APP: variants seen among roughly 807,000 people sequenced by gnomAD.
APP encodes the protein amyloid beta precursor protein.
A neutral mutation model predicts 101.4 loss-of-function variants in APP; 31 were observed. The observed-to-expected ratio is 0.31, with a 90% confidence interval of 0.23 to 0.41. The LOEUF (loss-of-function observed/expected upper bound fraction) is 0.41, where lower values mean the gene tolerates loss of function less well. Among genes scored for constraint, APP ranks in the 10% least tolerant of loss-of-function variants. The probability of loss-of-function intolerance (pLI) is 1.00; values close to 1 mark genes in which losing one functional copy is unlikely to be tolerated. For synonymous variants in APP, 366 were observed against 364.4 expected (o/e 1.00, Z -0.05); for missense variants, 839 against 1,003.7 (o/e 0.84, Z 2.22).
chr21:26,147,537 T>G (rs2063177867), intron 1 of APP, among the ~76,000 whole-genome samples: 1 of 152,208 alleles, frequency 6.6e-6, no homozygotes, highest in Non-Finnish European at 1.5e-5. Context: ...TATAATACAC[T>G]AATTTTAGAC....
Position 25,975,201 on chromosome 21 carries a change from C to T in APP, c.1327G>A (p.Glu443Lys). 1 of 1,614,140 alleles carries T rather than the reference C, an allele frequency of 6.2e-7. No homozygotes were observed. ...TGTCTCTCGTTGGCTGCTTCCTGTT[C>T]CAAAGATTCCACTTTCTCCTGGAAA... ...QHFQEKVESL[E>K]QEAANERQQL... is the part of the protein sequence containing the mutation. The change falls in exon 11 of 18, where the codon GAA (glutamate) becomes AAA (lysine). Residue 443 changes from glutamate (E) to lysine (K), a missense_variant. Physicochemically the swap from Glu to Lys is moderately conservative, Grantham distance 56. Coordinates refer to ENST00000346798, the MANE Select transcript of APP (RefSeq NM_000484.4).
chr21:25,895,153 C>T (rs192016093), intron 16 of APP, among the ~76,000 whole-genome samples: 272 of 149,262 alleles, frequency 1.8e-3, no homozygotes, highest in African/African-American at 6.5e-3. Context: ...ATGTAACAGA[C>T]TAGAGTATAG....
intron 1 of APP, among the ~76,000 whole-genome samples, chr21:26,146,773 T>C (rs934464554): frequency 6.6e-6 from 1 of 152,244 alleles, no homozygotes; most frequent in Non-Finnish European, 1.5e-5. Flanking sequence ...AAGATGTTCA[T>C]ATTTAGTATT....
intron 14 of APP, among the ~76,000 whole-genome samples, chr21:25,911,080 T>C (rs1482343791): frequency 1.3e-5 from 2 of 152,224 alleles, no homozygotes; most frequent in Non-Finnish European, 2.9e-5. Flanking sequence ...ACCTCACAGT[T>C]AAAAAACATT....
At chr21:25,993,876 T>A (rs1483005039) in intron 8 of APP, among the ~76,000 whole-genome samples, 1 of 151,320 alleles carries the variant, frequency 6.6e-6, no homozygotes, top group African/African-American at 2.4e-5. Flanking sequence ...TAAACACCCA[T>A]ATGCCTAGGA....
Position 25,905,038 on chromosome 21 carries a change from A to T in APP, c.1949T>A (p.Leu650Gln). Reference sequence around the variant, plus strand: ...GGTTCTGATACCTGGTCGAGTGGTCAGTCCTCGGTCGGCAGCAGGGCGGGC... The same window carrying T: ...GGTTCTGATACCTGGTCGAGTGGTCTGTCCTCGGTCGGCAGCAGGGCGGGC... The part of the protein sequence containing the change: ...VDARPAADRG[L>Q]TTRPGSGLTN... Residue 650 changes from leucine (L) to glutamine (Q), a missense_variant, in exon 15 of 18, where the codon CTG (leucine) becomes CAG (glutamine). Coordinates refer to ENST00000346798, the MANE Select transcript of APP (RefSeq NM_000484.4). The T allele has an allele frequency of 1.2e-6, 2 of 1,613,970 alleles. No homozygotes were observed. The highest frequency in any genetic ancestry group is 1.7e-6 in the Non-Finnish European group (2 of 1,179,930).
intron 13 of APP, chr21:25,945,931 C>T (rs910364454): frequency 2.0e-5 from 9 of 455,354 alleles, no homozygotes; most frequent in African/African-American, 1.6e-4. Context: ...ATCTGCCCAC[C>T]TTGGCCTCCC....
At chr21:25,909,042 T>A (rs1601366813) in intron 14 of APP, among the ~76,000 whole-genome samples, 1 of 152,028 alleles carries the variant, frequency 6.6e-6, no homozygotes, top group East Asian at 1.9e-4. Flanking sequence ...GGCGGGCGGA[T>A]CACGAGGTCA....
chr21:26,164,891 T>TG (rs2063574036), intron 1 of APP, among the ~76,000 whole-genome samples: 1 of 150,470 alleles, frequency 6.6e-6, no homozygotes, highest in African/African-American at 2.5e-5. Flanking sequence ...CCATGTTATG[T>TG]GGAAAAAAAG....
intron 13 of APP, chr21:25,942,091 T>C (rs1265373771): frequency 6.6e-6 from 1 of 152,220 alleles, no homozygotes; most frequent in East Asian, 1.9e-4. Flanking sequence ...CTGATATTCA[T>C]GTTCTCTTTA....
At chr21:25,940,943 G>A (rs918298426) in intron 13 of APP, among the ~76,000 whole-genome samples, 6 of 152,148 alleles carry the variant, frequency 3.9e-5, no homozygotes, top group Non-Finnish European at 5.9e-5. Context: ...GATGCCAGGC[G>A]ATGCTGATGT....
intron 17 of APP, among the ~76,000 whole-genome samples, chr21:25,888,875 G>A (rs548163551): frequency 2.6e-5 from 4 of 152,318 alleles, no homozygotes; most frequent in African/African-American, 7.2e-5. Flanking sequence ...AGGCTTGCGC[G>A]GAGAACTAAA....
At chr21:26,070,409 G>A (rs1400120797) in intron 3 of APP, among the ~76,000 whole-genome samples, 2 of 152,112 alleles carry the variant, frequency 1.3e-5, no homozygotes, top group African/African-American at 4.8e-5. Flanking sequence ...GTACATTAAG[G>A]CTTCCAAAAG....
intron 5 of APP, among the ~76,000 whole-genome samples, chr21:26,048,499 A>G (rs1279833384): frequency 6.6e-6 from 1 of 152,194 alleles, no homozygotes; most frequent in Non-Finnish European, 1.5e-5. Flanking sequence ...CGTCCTGGGC[A>G]GTGGGCTGGA....
intron 1 of APP, among the ~76,000 whole-genome samples, chr21:26,143,887 T>C (rs1004415264): frequency 7.2e-5 from 11 of 152,314 alleles, no homozygotes; most frequent in South Asian, 2.1e-4. Flanking sequence ...CTATTGTTTA[T>C]TGCTACTTGG....
chr21:26,128,834 C>G (rs1186709038), intron 1 of APP, among the ~76,000 whole-genome samples: 2 of 152,072 alleles, frequency 1.3e-5, no homozygotes, highest in Non-Finnish European at 2.9e-5. Flanking sequence ...ATGCTTGGAA[C>G]TGAATTTGAA....
chr21:26,116,490 C>T (rs1374928415), intron 1 of APP, among the ~76,000 whole-genome samples: 1 of 152,216 alleles, frequency 6.6e-6, no homozygotes, highest in Non-Finnish European at 1.5e-5. Flanking sequence ...TGCAAAGCCA[C>T]CTTCTTGAAC....
At chr21:25,937,514 T>C (rs1313591321) in intron 13 of APP, among the ~76,000 whole-genome samples, 2 of 152,240 alleles carry the variant, frequency 1.3e-5, no homozygotes, top group African/African-American at 4.8e-5. Flanking sequence ...AGGCACATTT[T>C]GTCAATTTTC....
intron 1 of APP, among the ~76,000 whole-genome samples, chr21:26,130,280 C>T (rs572277502): frequency 3.9e-5 from 6 of 152,212 alleles, no homozygotes; most frequent in East Asian, 3.8e-4. Flanking sequence ...CAGTTATTCA[C>T]GTTTTATTTA....
Sources: gnomAD v4.1 joint callset for allele counts (sites outside exome capture counted in the v4.1 genomes callset) on GRCh38, gnomAD v4.1.1 for gene constraint, MANE v1.5 for transcripts, NCBI Gene and HGNC (gene_info 2026-07-23, HGNC 2026-07-21) for gene names.